The following RIN2 variants were observed in gnomAD, a reference collection of about 807,000 sequenced individuals.
RIN2 encodes the protein RAB5 interacting protein 2.
A neutral mutation model predicts 78.0 loss-of-function variants in RIN2; 36 were observed. That is an observed-to-expected ratio of 0.46 (90% CI 0.35 to 0.61). RIN2 has a LOEUF of 0.61. RIN2 is among the 20% of genes least tolerant of loss of function. The pLI is 0.00. For synonymous variants in RIN2, 466 were observed against 466.8 expected (o/e 1.00, Z 0.02); for missense variants, 1,087 against 1,159.7 (o/e 0.94, Z 0.91).
rs1298455817 is a variant in RIN2, at chr20:19,923,488, T to TA, written c.58-11608dup. Among the ~76,000 whole-genome samples the TA allele has an allele frequency of 1.1e-3, 158 of 141,688 alleles. 5 individuals are homozygous for TA. Among genetic ancestry groups the TA allele is most frequent in the African/African-American group, 4.2e-3 (154 of 36,872 alleles). 93.0% of individuals were successfully genotyped at this position (141,688 alleles called of 152,430 possible). A position where few individuals can be genotyped will look rare whatever the true frequency, so the allele number is the denominator to read the frequency against. ...ATAAAATAAATAAAATAAAATAAAA[T>TA]AAATATTGGCTGAGAGGTGTGGTTC... On this transcript the variant is annotated intron_variant, in intron 3 of 12. Transcript: ENST00000255006.
At chr20:19,942,918 T>C (rs1016781285) in intron 4 of RIN2, among the ~76,000 whole-genome samples, 2 of 152,240 alleles carry the variant, frequency 1.3e-5, no homozygotes, top group African/African-American at 4.8e-5. Flanking sequence ...TCTGTAGGCT[T>C]TGCATTGCTG....
At chr20:19,789,476 T>C (rs2034817943) in intron 1 of RIN2, among the ~76,000 whole-genome samples, 2 of 152,248 alleles carry the variant, frequency 1.3e-5, no homozygotes, top group South Asian at 4.1e-4. Context: ...CTTAATTTTC[T>C]TCCTAGTCCT....
chr20:19,957,808 C>T (rs1224935914), intron 5 of RIN2, among the ~76,000 whole-genome samples: 2 of 152,168 alleles, frequency 1.3e-5, no homozygotes, highest in African/African-American at 4.8e-5. Flanking sequence ...TTACCGTAGC[C>T]ACATTTTAAG....
At chr20:19,804,512 A>G (rs933594320) in intron 2 of RIN2, among the ~76,000 whole-genome samples, 3 of 152,192 alleles carry the variant, frequency 2.0e-5, no homozygotes, top group African/African-American at 7.2e-5. Flanking sequence ...ATTGATTTGC[A>G]TATATCAAAC....
intron 11 of RIN2, among the ~76,000 whole-genome samples, chr20:19,993,386 C>G (rs1295561434): frequency 6.6e-6 from 1 of 151,880 alleles, no homozygotes; most frequent in Non-Finnish European, 1.5e-5. Context: ...GAATGAAATG[C>G]ATTTTTACCA....
At position 19,893,419 on chromosome 20, in the gene RIN2, A is replaced by G. The variant is rs2038574362; in HGVS notation, c.57+3761A>G. ...TCACGTGACTTTGTGTAAAGCACAGATAATTGGAAGGCAATCATTGGACCT... is the reference window on the plus strand; with the variant it reads ...TCACGTGACTTTGTGTAAAGCACAGGTAATTGGAAGGCAATCATTGGACCT... On this transcript the variant is annotated intron_variant, in intron 3 of 12. Coordinates refer to ENST00000255006, the MANE Select transcript of RIN2 (RefSeq NM_018993.4). Among the ~76,000 whole-genome samples the G allele has an allele frequency of 2.0e-5, 3 of 152,332 alleles. No individual in the cohort carries two copies. The South Asian group carries it at 6.2e-4, about 32-fold the overall frequency.
At chr20:19,794,425 G>A (rs1187245873) in intron 1 of RIN2, among the ~76,000 whole-genome samples, 1 of 151,764 alleles carries the variant, frequency 6.6e-6, no homozygotes, top group Non-Finnish European at 1.5e-5. Context: ...GTGAGGTGGC[G>A]GGAGGCGGAG....
At chr20:19,882,156 C>T (rs949767292) in intron 2 of RIN2, among the ~76,000 whole-genome samples, 2 of 152,186 alleles carry the variant, frequency 1.3e-5, no homozygotes, top group African/African-American at 4.8e-5. Context: ...CCCAGTCACA[C>T]TTGTTATGAT....
In RIN2 at chr20:19,780,381, T is replaced by C. The variant is rs574119945; in HGVS notation, c.-162-19241T>C. Among the ~76,000 whole-genome samples, 17 of 152,284 alleles carry C rather than the reference T, an allele frequency of 1.1e-4. 2 individuals are homozygous for C. The South Asian group carries it at 3.5e-3, about 32-fold the overall frequency. On this transcript the variant is annotated intron_variant, in intron 1 of 12. Coordinates refer to ENST00000255006, the MANE Select transcript of RIN2 (RefSeq NM_018993.4). The stretch of plus-strand genomic sequence containing the variant: ...AATACAATCACAAAGGACCAGCGTG[T>C]CCCATTCTCTGCTCAGATGTCACAT...
chr20:19,948,277 T>C (rs1022292819), intron 4 of RIN2, among the ~76,000 whole-genome samples: 24 of 152,214 alleles, frequency 1.6e-4, no homozygotes, highest in African/African-American at 5.1e-4. Flanking sequence ...TTTATCTCCA[T>C]AGGGGACTTG....
intron 4 of RIN2, among the ~76,000 whole-genome samples, chr20:19,938,717 C>T (rs751974329): frequency 2.0e-5 from 3 of 152,176 alleles, no homozygotes; most frequent in Non-Finnish European, 4.4e-5. Context: ...GTGCCTGACA[C>T]GTGGTAATAG....
intron 2 of RIN2, among the ~76,000 whole-genome samples, chr20:19,887,389 T>C (rs532335117): frequency 1.3e-5 from 2 of 152,246 alleles, no homozygotes; most frequent in South Asian, 4.2e-4. Context: ...GCTTGAACTA[T>C]TGGATGGCCA....
intron 9 of RIN2, among the ~76,000 whole-genome samples, chr20:19,988,014 A>T (rs2042675728): frequency 6.6e-6 from 1 of 152,186 alleles, no homozygotes; most frequent in African/African-American, 2.4e-5. Flanking sequence ...TCTGCGTTAG[A>T]TTTATCTTTG....
chr20:19,844,118 C>G (rs2036662210), intron 2 of RIN2, among the ~76,000 whole-genome samples: 1 of 152,084 alleles, frequency 6.6e-6, no homozygotes, highest in South Asian at 2.1e-4. Flanking sequence ...GAGAGTAGCT[C>G]TAGAAATGAT....
intron 2 of RIN2, among the ~76,000 whole-genome samples, chr20:19,865,408 C>T (rs997229506): frequency 6.6e-6 from 1 of 152,014 alleles, no homozygotes; most frequent in East Asian, 1.9e-4. Context: ...TCCCTGGAAC[C>T]TTAATACATA....
At chr20:19,880,108 G>A (rs1036675241) in intron 2 of RIN2, among the ~76,000 whole-genome samples, 6 of 152,004 alleles carry the variant, frequency 3.9e-5, no homozygotes, top group Non-Finnish European at 7.4e-5. Flanking sequence ...AATTAGCTGG[G>A]CATGGTGGTG....
At chr20:19,961,075 T>C (rs2041730322) in intron 6 of RIN2, among the ~76,000 whole-genome samples, 1 of 152,182 alleles carries the variant, frequency 6.6e-6, no homozygotes, top group African/African-American at 2.4e-5. Context: ...AGGGAACTAA[T>C]AGAGGTTGAC....
intron 8 of RIN2, among the ~76,000 whole-genome samples, chr20:19,972,917 T>A (rs1568683232): frequency 6.6e-6 from 1 of 152,254 alleles, no homozygotes; most frequent in African/African-American, 2.4e-5. Flanking sequence ...TATTTTGTTG[T>A]ATTTAATATA....
At chr20:19,948,185 ACAGACACACG>A (rs1457740690) in intron 4 of RIN2, among the ~76,000 whole-genome samples, 6 of 126,156 alleles carry the variant, frequency 4.8e-5, no homozygotes, top group Non-Finnish European at 7.3e-5. Flanking sequence ...AGCTGCTCGC[ACAGACACACG>A]GAAGGGAGCC....
Sources: gnomAD v4.1 joint callset for allele counts (sites outside exome capture counted in the v4.1 genomes callset) on GRCh38, gnomAD v4.1.1 for gene constraint, MANE v1.5 for transcripts, NCBI Gene and HGNC (gene_info 2026-07-23, HGNC 2026-07-21) for gene names.